PVT1: variants seen among roughly 807,000 people sequenced by gnomAD.
The protein encoded by PVT1 is CXCR4/PVT1 fusion.
intron 5 of PVT1, among the ~76,000 whole-genome samples, chr8:128,077,811 C>T (rs952530398): frequency 2.0e-5 from 3 of 152,154 alleles, no homozygotes; most frequent in Non-Finnish European, 4.4e-5. Context: ...ATCCTCCCAG[C>T]CATCAATACC....
chr8:128,028,259 T>C (rs898690617), intron 4 of PVT1, among the ~76,000 whole-genome samples: 9 of 152,248 alleles, frequency 5.9e-5, no homozygotes, highest in Non-Finnish European at 1.3e-4. Flanking sequence ...TTCTGGCTCC[T>C]GGGACCTGGC....
chr8:128,008,428 T>C (rs1817272917), intron 4 of PVT1, among the ~76,000 whole-genome samples: 1 of 152,250 alleles, frequency 6.6e-6, no homozygotes, highest in African/African-American at 2.4e-5. Context: ...ATGAGGAAAC[T>C]GATGCAAAAA....
chr8:127,821,313 T>C (rs1814726186), intron 2 of PVT1, among the ~76,000 whole-genome samples: 1 of 152,132 alleles, frequency 6.6e-6, no homozygotes, highest in Non-Finnish European at 1.5e-5. Context: ...TGTGCGAAAA[T>C]TCAAATTAAA....
intron 2 of PVT1, among the ~76,000 whole-genome samples, chr8:127,846,961 G>A (rs1360076079): frequency 9.4e-5 from 14 of 148,188 alleles, no homozygotes; most frequent in South Asian, 4.3e-4. Flanking sequence ...GATTACAAGC[G>A]TGAGCCATTG....
intron 3 of PVT1, among the ~76,000 whole-genome samples, chr8:127,957,370 C>T (rs1416680653): frequency 2.0e-5 from 3 of 152,022 alleles, no homozygotes; most frequent in African/African-American, 7.2e-5. Context: ...AGATCAAGAC[C>T]ATCCTGGCCA....
chr8:127,808,949 G>A (rs2129655847), intron 2 of PVT1, among the ~76,000 whole-genome samples: 1 of 134,464 alleles, frequency 7.4e-6, no homozygotes, highest in East Asian at 2.4e-4. Context: ...AAAATAGCTT[G>A]AACCCGGGAG....
intron 3 of PVT1, chr8:127,948,123 A>G (rs1461165327): frequency 2.7e-6 from 1 of 370,892 alleles, no homozygotes; most frequent in East Asian, 7.2e-5. Context: ...AGGCCATAGT[A>G]AGTTCCAGAG....
At chr8:128,003,392 C>A (rs915934148) in intron 4 of PVT1, among the ~76,000 whole-genome samples, 10 of 151,496 alleles carry the variant, frequency 6.6e-5, no homozygotes, top group Non-Finnish European at 1.3e-4. Context: ...GTTGTCCAGG[C>A]TGGAGTACAG....
intron 4 of PVT1, among the ~76,000 whole-genome samples, chr8:128,047,812 C>T (rs1014244586): frequency 6.6e-6 from 1 of 152,004 alleles, no homozygotes; most frequent in Non-Finnish European, 1.5e-5. Flanking sequence ...ATTAACTCAA[C>T]TTAGCCATTC....
At chr8:128,036,645 G>C (rs1232861186) in intron 4 of PVT1, among the ~76,000 whole-genome samples, 1 of 152,148 alleles carries the variant, frequency 6.6e-6, no homozygotes, top group Non-Finnish European at 1.5e-5. Context: ...CAGTTCACAG[G>C]CAGCCTTAGT....
chr8:127,897,499 G>C (rs1259943020), intron 3 of PVT1, among the ~76,000 whole-genome samples: 1 of 143,456 alleles, frequency 7.0e-6, no homozygotes, highest in South Asian at 2.2e-4. Context: ...AGAAAGAAAG[G>C]AAGGAAGGAA....
intron 2 of PVT1, among the ~76,000 whole-genome samples, chr8:127,856,054 T>C (rs1444748798): frequency 6.6e-6 from 1 of 152,224 alleles, no homozygotes; most frequent in Non-Finnish European, 1.5e-5. Flanking sequence ...GCCTACATCT[T>C]TATCAAAAGT....
chr8:127,892,993 T>C (rs1815630756), intron 3 of PVT1, among the ~76,000 whole-genome samples: 1 of 152,180 alleles, frequency 6.6e-6, no homozygotes, highest in African/African-American at 2.4e-5. Flanking sequence ...CTTTTATCAG[T>C]TACTGCCTAG....
intron 4 of PVT1, among the ~76,000 whole-genome samples, chr8:128,052,917 A>C (rs1040893026): frequency 4.6e-5 from 7 of 152,256 alleles, no homozygotes; most frequent in African/African-American, 1.7e-4. Flanking sequence ...AGTAGATGGT[A>C]AAACCAGGAT....
In PVT1 at chr8:127,847,328, G is replaced by A. The variant is rs140880586; in HGVS notation, n.373-43261G>A. Among the ~76,000 whole-genome samples the A allele has an allele frequency of 1.6e-3, 251 of 152,232 alleles. 1 individual carries two copies. The highest frequency in any genetic ancestry group is 5.9e-3 in the African/African-American group (245 of 41,534). On this transcript the variant is annotated intron_variant and non_coding_transcript_variant, in intron 2 of 10. Coordinates refer to ENST00000651587, the Ensembl canonical transcript of PVT1. ...TGTATAATACACATGTTGTTGATGC[G>A]CTCTGTTGTTGGCAAAAGCTGTGTT...
chr8:128,013,796 C>T (rs1167804158), intron 4 of PVT1, among the ~76,000 whole-genome samples: 1 of 152,106 alleles, frequency 6.6e-6, no homozygotes, highest in Non-Finnish European at 1.5e-5. Context: ...ACAGTAAGTC[C>T]TAATCATTGG....
At chr8:127,887,662 A>T (rs1815541018) in intron 2 of PVT1, among the ~76,000 whole-genome samples, 1 of 152,142 alleles carries the variant, frequency 6.6e-6, no homozygotes, top group Non-Finnish European at 1.5e-5. Context: ...GGTAGCTGGG[A>T]TTACAGGCAC....
rs1379896883 is a variant in PVT1, at chr8:127,858,812, T to TTTTTTTTTC, written n.373-31769_373-31768insCTTTTTTTT. ...GGACTACACTTGAAGATTCTTTTTT[T>TTTTTTTTTC]TTTTTTTTTTTTTTTTTTTTTGAGA... On this transcript the variant is annotated intron_variant and non_coding_transcript_variant, in intron 2 of 10. Coordinates refer to ENST00000651587, the Ensembl canonical transcript of PVT1. Among the ~76,000 whole-genome samples, 256 of 122,536 alleles carry TTTTTTTTTC rather than the reference T, an allele frequency of 2.1e-3. 8 individuals carry two copies. Among genetic ancestry groups the TTTTTTTTTC allele is most frequent in the Non-Finnish European group, 3.6e-3 (217 of 59,774 alleles). 80.4% of individuals were successfully genotyped at this position (122,536 alleles called of 152,430 possible).
intron 2 of PVT1, among the ~76,000 whole-genome samples, chr8:127,798,704 C>CAAAAAAAAAA (rs71300266): frequency 4.8e-4 from 53 of 110,104 alleles, no homozygotes; most frequent in African/African-American, 9.7e-4. Context: ...ACTAAAAATA[C>CAAAAAAAAAA]AAAAAAAAAA....
Sources: gnomAD v4.1 joint callset for allele counts (sites outside exome capture counted in the v4.1 genomes callset) on GRCh38, gnomAD v4.1.1 for gene constraint, MANE v1.5 for transcripts, NCBI Gene and HGNC (gene_info 2026-07-23, HGNC 2026-07-21) for gene names.